Variants in PLCD3 observed in about 807,000 individuals in gnomAD.
PLCD3 encodes the protein 1-phosphatidylinositol 4,5-bisphosphate phosphodiesterase delta-3.
PLCD3 carries 62 observed loss-of-function variants against 82.8 expected under a neutral mutation model. That is an observed-to-expected ratio of 0.75 (90% confidence interval 0.61 to 0.93). The LOEUF (loss-of-function observed/expected upper bound fraction) is 0.93, where lower values mean the gene tolerates loss of function less well. PLCD3 is among the 40% of genes least tolerant of loss of function. The pLI, the probability that PLCD3 is intolerant of heterozygous loss-of-function variation, is 0.00. For missense variants in PLCD3, 1,023 were observed against 1,103.4 expected (o/e 0.93, Z 1.03); for synonymous variants, 478 against 471.8 (o/e 1.01, Z -0.17).
chr17:45,113,877 G>A (rs2054268888), intron 11 of PLCD3, among the ~76,000 whole-genome samples: 1 of 152,048 alleles, frequency 6.6e-6, no homozygotes, highest in South Asian at 2.1e-4. Context: ...CCAGGGGTCT[G>A]AGGAAGCCTG....
chr17:45,129,786 G>A (rs2054406359), intron 1 of PLCD3, among the ~76,000 whole-genome samples: 1 of 152,198 alleles, frequency 6.6e-6, no homozygotes, highest in Admixed American at 6.5e-5. Flanking sequence ...CTGGAGGGGG[G>A]ACAAAGGACT....
Position 45,113,239 on chromosome 17 carries a change from G to A in PLCD3, c.2014C>T (p.Leu672=), listed in dbSNP as rs1189168148. 1.9e-6 allele frequency: 3 copies of A among 1,607,558 alleles called. No homozygotes were observed. The Admixed American group carries it at 5.1e-5, about 27-fold the overall frequency. Residue 672 remains leucine (L), a synonymous_variant, in exon 13 of 15, where the codon CTG becomes TTG. Transcript: ENST00000619929. ...LSIQVLTAQQ[L]PKLNAEKPHS... ...GGCTTCTCGGCATTCAGCTTGGGCA[G>A]CTGCTGTGCAGTCAGCACCTGTGGG... is the stretch of plus-strand genomic sequence containing the variant.
intron 1 of PLCD3, among the ~76,000 whole-genome samples, chr17:45,123,962 C>CG (rs1265064827): frequency 2.1e-5 from 3 of 140,668 alleles, no homozygotes; most frequent in Non-Finnish European, 3.2e-5. Flanking sequence ...CCAGACCCCC[C>CG]CCCCAACCAG....
chr17:45,120,568 C>A (rs936544068), intron 3 of PLCD3, 114 bp from the exon 4 acceptor site: 3 of 1,412,716 alleles, frequency 2.1e-6, no homozygotes, highest in Admixed American at 2.0e-5. Context: ...AGGGGCTGTA[C>A]TTTCCCCTTG....
In PLCD3 at chr17:45,112,720, C is replaced by T. The variant is rs1353555967; in HGVS notation, c.2282-16G>A. The stretch of plus-strand genomic sequence containing the variant: ...TGGCGGTACCCTGTAGGGAGGACAG[C>T]CAGGCCTCAGGTCCTCTGTGCACCC... On this transcript the variant is annotated splice_polypyrimidine_tract_variant and intron_variant, in intron 14 of 14. Coordinates refer to ENST00000619929, the MANE Select transcript of PLCD3 (RefSeq NM_133373.5). 8 of 1,598,534 alleles carry T rather than the reference C, an allele frequency of 5.0e-6. No individual in the cohort carries two copies. Among genetic ancestry groups the T allele is most frequent in the Non-Finnish European group, 5.1e-6 (6 of 1,172,808 alleles).
chr17:45,109,551 A>C lies in PLCD3; in HGVS notation c.*3065T>G, dbSNP rs1309913400. On this transcript the variant is annotated 3_prime_UTR_variant, in exon 15 of 15. Coordinates refer to ENST00000619929, the MANE Select transcript of PLCD3 (RefSeq NM_133373.5). ...TCTTCTCATCCTCTGGAACTTACCC[A>C]TTCCCTGACCCCCTGATCCTTTCAG... 1 of 151,846 alleles carries C rather than the reference A, an allele frequency of 6.6e-6. No individual in the cohort carries two copies. The highest frequency in any genetic ancestry group is 1.5e-5 in the Non-Finnish European group (1 of 68,024). The allele number at this position is 151,846 out of a possible 1,614,324, so 9.4% of individuals were successfully genotyped here. A position where few individuals can be genotyped will look rare whatever the true frequency, so the allele number is the denominator to read the frequency against.
chr17:45,126,582 C>T (rs998468635), intron 1 of PLCD3, among the ~76,000 whole-genome samples: 11 of 151,428 alleles, frequency 7.3e-5, no homozygotes, highest in African/African-American at 2.7e-4. Context: ...GGATTACAGG[C>T]GTGAGCCACA....
chr17:45,116,360 G>T (rs1008582334), intron 8 of PLCD3, among the ~76,000 whole-genome samples: 2 of 152,138 alleles, frequency 1.3e-5, no homozygotes, highest in African/African-American at 2.4e-5. Context: ...GAGCCTGCAG[G>T]ACTCTACGGG....
intron 8 of PLCD3, chr17:45,115,721 C>T: frequency 1.9e-6 from 1 of 533,628 alleles, no homozygotes; most frequent in Non-Finnish European, 3.4e-6. Context: ...ACACAGCAGC[C>T]ACTACAATGC....
In PLCD3 at chr17:45,115,368, C is replaced by T. The variant is rs2054281588; in HGVS notation, c.1536G>A (p.Val512=). The T allele has an allele frequency of 6.3e-7, 1 of 1,580,252 alleles. No individual in the cohort carries two copies. The highest frequency in any genetic ancestry group is 8.6e-7 in the Non-Finnish European group (1 of 1,164,426). ...EEDDEEEEEE[V]EAAAQRRLAK... ...CCAGCCGCCTCTGCGCTGCAGCCTCCACCTCCTCTTCTTCCTCCTCGTCAT... is the reference window on the plus strand; with the variant it reads ...CCAGCCGCCTCTGCGCTGCAGCCTCTACCTCCTCTTCTTCCTCCTCGTCAT... The change falls in exon 9 of 15, where the codon GTG becomes GTA. Residue 512 remains valine, a synonymous_variant. Transcript: ENST00000619929.
chr17:45,128,782 A>G (rs191276303), intron 1 of PLCD3, among the ~76,000 whole-genome samples: 18 of 152,338 alleles, frequency 1.2e-4, no homozygotes, highest in African/African-American at 3.8e-4. Context: ...GTATAAATAC[A>G]TTCCATATTC....
chr17:45,125,785 T>C (rs2054377119), intron 1 of PLCD3, among the ~76,000 whole-genome samples: 1 of 152,116 alleles, frequency 6.6e-6, no homozygotes, highest in South Asian at 2.1e-4. Context: ...AAACGACAAA[T>C]ACTATGTGAT....
At chr17:45,121,178 TC>T (rs2054336031) in intron 2 of PLCD3, 32 bp downstream of exon 2, 1 of 1,543,288 alleles carries the variant, frequency 6.5e-7, no homozygotes, top group Non-Finnish European at 8.7e-7. Flanking sequence ...TGTCCCCACC[TC>T]CCTGTCCGCC....
Position 45,112,476 on chromosome 17 carries a change from C to T in PLCD3, c.*140G>A, listed in dbSNP as rs545604576. ...GCCCTCAGCACCCAGGTGAGACCAG[C>T]GCCTGGTGAATGGGCTGAGTGGGCC... On this transcript the variant is annotated 3_prime_UTR_variant, in exon 15 of 15. Coordinates refer to ENST00000619929, the MANE Select transcript of PLCD3 (RefSeq NM_133373.5). 35 of 920,044 alleles carry T rather than the reference C, an allele frequency of 3.8e-5. No homozygotes were observed. The East Asian group carries it at 6.3e-4, about 17-fold the overall frequency. The allele number at this position is 920,044 out of a possible 1,614,324, so 57.0% of individuals were successfully genotyped here.
At chr17:45,116,968 G>GC (rs2143558722) in intron 7 of PLCD3, among the ~76,000 whole-genome samples, 184 bp from the exon 8 acceptor site, 1 of 152,170 alleles carries the variant, frequency 6.6e-6, no homozygotes, top group East Asian at 1.9e-4. Flanking sequence ...TCTTTGAGAT[G>GC]GAGTGTTGCT....
At position 45,118,812 on chromosome 17, in the gene PLCD3, C is replaced by G. The variant is rs372774673; in HGVS notation, c.913+3G>C. 9.4e-6 allele frequency: 15 copies of G among 1,598,532 alleles called. No individual in the cohort carries two copies. Among genetic ancestry groups the G allele is most frequent in the African/African-American group, 2.7e-5 (2 of 74,658 alleles). On this transcript the variant is annotated splice_donor_region_variant and intron_variant, in intron 5 of 14. Coordinates refer to ENST00000619929, the MANE Select transcript of PLCD3 (RefSeq NM_133373.5). The surrounding 1 kb of genome is among the most constrained non-coding windows in gnomAD (Gnocchi z 4.1). ...CACGACCTGGCCGTGCCACCCCCCC[C>G]ACCTGTCTCGTTGAGCTCATAGGTC...
chr17:45,123,686 C>T (rs1378795199), intron 1 of PLCD3, among the ~76,000 whole-genome samples: 1 of 152,172 alleles, frequency 6.6e-6, no homozygotes, highest in Non-Finnish European at 1.5e-5. Context: ...GGGGCCTGGG[C>T]ATCTGTATTT....
intron 1 of PLCD3, among the ~76,000 whole-genome samples, chr17:45,129,006 T>A (rs2054401425): frequency 6.6e-6 from 1 of 152,216 alleles, no homozygotes; most frequent in Non-Finnish European, 1.5e-5. Context: ...ACTTCCCAGC[T>A]TTGAACCCTA....
chr17:45,117,642 G>A (rs575170724), intron 7 of PLCD3, among the ~76,000 whole-genome samples: 1 of 152,308 alleles, frequency 6.6e-6, no homozygotes, highest in South Asian at 2.1e-4. Context: ...TGTGACCAAA[G>A]TTGCAGTGTT....
Sources: gnomAD v4.1 joint callset for allele counts (sites outside exome capture counted in the v4.1 genomes callset) on GRCh38, gnomAD v4.1.1 for gene constraint, Gnocchi (gnomAD v3.1) non-coding constraint, MANE v1.5 for transcripts, NCBI Gene and HGNC (gene_info 2026-07-23, HGNC 2026-07-21) for gene names.